PDE4B: variants seen among roughly 807,000 people sequenced by gnomAD.
PDE4B encodes 3',5'-cyclic-AMP phosphodiesterase 4B.
PDE4B carries 20 observed loss-of-function variants against 82.2 expected under a neutral mutation model. The ratio of observed to expected loss-of-function variants is 0.24; its 90% CI spans 0.17 to 0.35. The LOEUF is 0.35. Ranked by LOEUF, PDE4B falls within the 10% of genes least tolerant of loss-of-function variation. PDE4B has a pLI of 1.00. For missense variants in PDE4B, 655 were observed against 907.2 expected (o/e 0.72, Z 3.57); for synonymous variants, 320 against 318.9 (o/e 1.00, Z -0.04).
intron 3 of PDE4B, among the ~76,000 whole-genome samples, chr1:65,992,137 AG>A (rs1171402404): frequency 5.3e-5 from 8 of 152,194 alleles, no homozygotes; most frequent in African/African-American, 1.9e-4. Context: ...TGGAGAAGGG[AG>A]GAAAAAAAAA....
chr1:66,128,093 T>C (rs918257926), intron 3 of PDE4B, among the ~76,000 whole-genome samples: 12 of 152,192 alleles, frequency 7.9e-5, no homozygotes, highest in Non-Finnish European at 1.2e-4. Context: ...TGTTTGAAAA[T>C]CCCACTATTT....
chr1:66,126,930 A>G (rs1237706306), intron 3 of PDE4B, among the ~76,000 whole-genome samples: 1 of 152,238 alleles, frequency 6.6e-6, no homozygotes, highest in Non-Finnish European at 1.5e-5. Flanking sequence ...TGCATCACTT[A>G]CAAGGACATT....
chr1:65,912,979 C>A (rs1647113732), intron 1 of PDE4B, among the ~76,000 whole-genome samples: 1 of 152,138 alleles, frequency 6.6e-6, no homozygotes, highest in South Asian at 2.1e-4. Context: ...TTAGATTCTT[C>A]ATGATCATTA....
At chr1:65,923,269 T>C (rs1647317337) in intron 3 of PDE4B, among the ~76,000 whole-genome samples, 1 of 152,202 alleles carries the variant, frequency 6.6e-6, no homozygotes, top group Non-Finnish European at 1.5e-5. Context: ...TTTAAATAGT[T>C]ACTGATCTAT....
In PDE4B at chr1:66,013,672, A is replaced by G. The variant is rs78759998; in HGVS notation, c.281+94837A>G. Among the ~76,000 whole-genome samples the G allele has an allele frequency of 6.2e-4, 95 of 152,036 alleles. 3 individuals are homozygous for G. The East Asian group carries it at 0.018, about 28-fold the overall frequency. On this transcript the variant is annotated intron_variant, in intron 3 of 16. Transcript: ENST00000341517. ...TCCCTCTAAGCTCTCAGAAACCACC[A>G]CTTTTTAAAAAAAAAATAACTCATC... is the stretch of plus-strand genomic sequence containing the variant.
intron 3 of PDE4B, among the ~76,000 whole-genome samples, chr1:65,935,951 C>A (rs1041856311): frequency 3.4e-5 from 5 of 148,420 alleles, no homozygotes; most frequent in Admixed American, 1.3e-4. Context: ...AAAAACAAAA[C>A]AACAACAACA....
chr1:65,965,858 T>C (rs1649791674), intron 3 of PDE4B, among the ~76,000 whole-genome samples: 1 of 152,154 alleles, frequency 6.6e-6, no homozygotes, highest in African/African-American at 2.4e-5. Flanking sequence ...CCCTTCATGC[T>C]AAAAGCTCTC....
intron 7 of PDE4B, among the ~76,000 whole-genome samples, chr1:66,317,378 A>G (rs6668629): frequency 0.036 from 5,429 of 152,150 alleles, 175 homozygotes; most frequent in African/African-American, 0.076. Context: ...ACACAGCCCT[A>G]GACTGCTTAG....
intron 4 of PDE4B, among the ~76,000 whole-genome samples, chr1:66,254,226 AAAAG>A (rs1002115285): frequency 1.4e-4 from 22 of 152,214 alleles, no homozygotes; most frequent in African/African-American, 5.1e-4. Context: ...AGCCTAAAAA[AAAAG>A]AAAGAAAGAA....
intron 4 of PDE4B, 107 bp downstream of exon 4, chr1:66,247,761 G>A (rs1653437289): frequency 2.4e-6 from 2 of 819,008 alleles, no homozygotes; most frequent in Non-Finnish European, 3.7e-6. Flanking sequence ...AAGGATGAAG[G>A]AAGAAAATGA....
rs1440037579 is a variant in PDE4B, at chr1:66,355,357, C to G, written c.748-170C>G. ...AAGAAAACCTCTTTTCCAAAAGTGA[C>G]GTTGGAATAATTTCAAATTGAAGAG... On this transcript the variant is annotated intron_variant, in intron 8 of 16. Transcript: ENST00000341517. The G allele has an allele frequency of 2.3e-5, 10 of 435,690 alleles. No homozygotes were observed. The Admixed American group carries it at 4.1e-4, about 18-fold the overall frequency. The allele number at this position is 435,690 out of a possible 1,614,324, so 27.0% of individuals were successfully genotyped here.
chr1:66,200,537 A>T (rs1234102270), intron 3 of PDE4B, among the ~76,000 whole-genome samples: 1 of 152,130 alleles, frequency 6.6e-6, no homozygotes, highest in East Asian at 1.9e-4. Context: ...AGTGGTCTGT[A>T]GTTCTCCTTT....
At chr1:66,171,427 T>C (rs1422057008) in intron 3 of PDE4B, among the ~76,000 whole-genome samples, 1 of 152,170 alleles carries the variant, frequency 6.6e-6, no homozygotes, top group African/African-American at 2.4e-5. Flanking sequence ...GTTAAGAAGG[T>C]TCTTGTTGGC....
intron 1 of PDE4B, among the ~76,000 whole-genome samples, chr1:65,799,213 GA>G: frequency 6.6e-6 from 1 of 152,142 alleles, no homozygotes; most frequent in East Asian, 1.9e-4. Flanking sequence ...TTAGAAAACT[GA>G]CATGTTAAAA....
chr1:65,875,079 A>G (rs1180598559), intron 1 of PDE4B, among the ~76,000 whole-genome samples: 4 of 151,816 alleles, frequency 2.6e-5, no homozygotes, highest in Non-Finnish European at 4.4e-5. Flanking sequence ...TCCAGAATCT[A>G]CAATGAACTC....
chr1:65,930,762 A>G (rs898198977), intron 3 of PDE4B, among the ~76,000 whole-genome samples: 2 of 152,254 alleles, frequency 1.3e-5, no homozygotes, highest in Non-Finnish European at 2.9e-5. Flanking sequence ...TTACAGGCTC[A>G]TAGGCAGAAG....
intron 3 of PDE4B, among the ~76,000 whole-genome samples, chr1:66,096,343 C>T (rs1645113823): frequency 6.6e-6 from 1 of 151,102 alleles, no homozygotes; most frequent in South Asian, 2.1e-4. Context: ...TAAACAGTAT[C>T]AACTTTAAAT....
intron 3 of PDE4B, among the ~76,000 whole-genome samples, chr1:65,954,758 C>T (rs1403256114): frequency 6.6e-6 from 1 of 151,968 alleles, no homozygotes; most frequent in Non-Finnish European, 1.5e-5. Context: ...ATAAGAATGA[C>T]CAGTCTGCAG....
At chr1:65,862,844 G>A (rs1295794003) in intron 1 of PDE4B, among the ~76,000 whole-genome samples, 1 of 152,112 alleles carries the variant, frequency 6.6e-6, no homozygotes, top group African/African-American at 2.4e-5. Flanking sequence ...GCATAGAGGT[G>A]TTTATAGTAT....
Sources: allele counts gnomAD v4.1 joint callset (sites outside exome capture counted in the v4.1 genomes callset), GRCh38; gene constraint gnomAD v4.1.1; transcripts MANE v1.5; gene names NCBI Gene and HGNC (gene_info 2026-07-23, HGNC 2026-07-21).